The following CPA3 variants were observed in gnomAD, a reference collection of about 807,000 sequenced individuals.
CPA3 encodes carboxypeptidase A3.
A neutral mutation model predicts 55.8 loss-of-function variants in CPA3; 52 were observed. The observed-to-expected ratio is 0.93, with a 90% CI of 0.75 to 1.17. The LOEUF (loss-of-function observed/expected upper bound fraction) is 1.17. Among genes scored for constraint, CPA3 ranks in the 50% most tolerant of loss-of-function variants. CPA3 has a pLI of 0.00. For synonymous variants in CPA3, 179 were observed against 171.2 expected (o/e 1.05, Z -0.36); for missense variants, 547 against 509.1 (o/e 1.07, Z -0.72).
chr3:148,883,506 A>C, intron 8 of CPA3, 107 bp from the exon 9 acceptor site: 1 of 879,812 alleles, frequency 1.1e-6, no homozygotes, highest in Admixed American at 2.2e-5. Context: ...TAAACATGAG[A>C]GGCAAAAACA....
rs145618605 is a variant in CPA3 at position 148,882,994 on chromosome 3, G to A, written c.778+399G>A. On this transcript the variant is annotated intron_variant, in intron 8 of 10. Coordinates refer to ENST00000296046, the MANE Select transcript of CPA3 (RefSeq NM_001870.4). ...AAGAGTCATCTGGAGCAAAGAAAGT[G>A]AAAAAGTTTAACAGAAATACGATGA... Among the ~76,000 whole-genome samples, 694 of 152,260 alleles carry A rather than the reference G, an allele frequency of 4.6e-3. 4 individuals carry two copies. The highest frequency in any genetic ancestry group is 0.016 in the African/African-American group (672 of 41,546).
At chr3:148,895,561 C>A (rs1714804167) in intron 10 of CPA3, among the ~76,000 whole-genome samples, 1 of 152,178 alleles carries the variant, frequency 6.6e-6, no homozygotes, top group African/African-American at 2.4e-5. Context: ...CCAGTGGCAT[C>A]TTCTGCATTT....
Position 148,882,556 on chromosome 3 carries a change from G to T in CPA3, c.739G>T (p.Gly247Cys). Residue 247 changes from glycine to cysteine, a missense_variant, in exon 8 of 11, where the codon GGC (glycine) becomes TGC (cysteine). Gly to Cys is a radical substitution (Grantham distance 159). Transcript: ENST00000296046. ...RSKNQNSKCI[G>C]TDLNRNFNAS... is the part of the protein sequence containing the mutation. ...CAAGAACCAAAACTCCAAATGCATC[G>T]GCACTGACCTCAACAGGAATTTTAA... The T allele has an allele frequency of 6.2e-7, 1 of 1,613,690 alleles. No homozygotes were observed. Among genetic ancestry groups the T allele is most frequent in the Non-Finnish European group, 8.5e-7 (1 of 1,179,718 alleles).
intron 3 of CPA3, among the ~76,000 whole-genome samples, chr3:148,875,269 C>T (rs988728912): frequency 1.3e-5 from 2 of 152,130 alleles, no homozygotes; most frequent in African/African-American, 4.8e-5. Flanking sequence ...ATTTCATTAC[C>T]AAAAGGTGAG....
At chr3:148,870,121 A>AG (rs1375763635) in intron 3 of CPA3, 1 of 150,072 alleles carries the variant, frequency 6.7e-6, no homozygotes, top group Non-Finnish European at 1.5e-5. Context: ...AAAAAAGAAA[A>AG]TGTGTTTTTA....
intron 3 of CPA3, among the ~76,000 whole-genome samples, chr3:148,871,055 T>C (rs1236610584): frequency 6.6e-6 from 1 of 152,152 alleles, no homozygotes; most frequent in Non-Finnish European, 1.5e-5. Flanking sequence ...CCTGCCACCA[T>C]GCCTGGCTTT....
At position 148,896,629 on chromosome 3, in the gene CPA3, C is replaced by A; in HGVS notation, c.1176C>A (p.Ser392=). 1 of 1,591,858 alleles carries A rather than the reference C, an allele frequency of 6.3e-7. No individual in the cohort carries two copies. Among genetic ancestry groups the A allele is most frequent in the Non-Finnish European group, 8.6e-7 (1 of 1,163,186 alleles). Residue 392 remains serine, a synonymous_variant, in exon 11 of 11, where the codon TCC becomes TCA. Transcript: ENST00000296046. ...KGKFGFLLPE[S]RIKPTCRETM... ...AATTTGGTTTTCTCCTTCCAGAATC[C>A]CGGATAAAGCCAACGTGCAGAGAGA...
intron 10 of CPA3, among the ~76,000 whole-genome samples, chr3:148,889,075 T>G (rs1714604091): frequency 6.6e-6 from 1 of 152,246 alleles, no homozygotes; most frequent in Non-Finnish European, 1.5e-5. Context: ...TACATTATAC[T>G]ACAACATTTT....
chr3:148,882,570 C>T lies in CPA3; in HGVS notation c.753C>T (p.Asn251=). The T allele has an allele frequency of 6.2e-7, 1 of 1,613,640 alleles. No homozygotes were observed. The highest frequency in any genetic ancestry group is 8.5e-7 in the Non-Finnish European group (1 of 1,179,686). ...CCAAATGCATCGGCACTGACCTCAA[C>T]AGGAATTTTAATGCTTCATGGAACT... ...QNSKCIGTDL[N]RNFNASWNSI... is the part of the protein sequence containing the mutation. Residue 251 remains asparagine (N), a synonymous_variant, in exon 8 of 11, where the codon AAC becomes AAT. Coordinates refer to ENST00000296046, the MANE Select transcript of CPA3 (RefSeq NM_001870.4).
At chr3:148,892,704 G>A (rs1219995148) in intron 10 of CPA3, among the ~76,000 whole-genome samples, 1 of 151,388 alleles carries the variant, frequency 6.6e-6, no homozygotes, top group African/African-American at 2.4e-5. Flanking sequence ...CTGTCTGGGT[G>A]TGGTGGCACA....
chr3:148,870,571 T>A (rs1714035137), intron 3 of CPA3, among the ~76,000 whole-genome samples: 1 of 152,160 alleles, frequency 6.6e-6, no homozygotes. Flanking sequence ...TGTTACTGTT[T>A]CAAGAAGGTT....
At chr3:148,882,344 T>G (rs931571596) in intron 7 of CPA3, among the ~76,000 whole-genome samples, 161 bp from the exon 8 acceptor site, 1 of 152,200 alleles carries the variant, frequency 6.6e-6, no homozygotes, top group Admixed American at 6.5e-5. Flanking sequence ...TACTACAAAT[T>G]ATAAGAAAAC....
chr3:148,889,970 G>A (rs1714626681), intron 10 of CPA3, among the ~76,000 whole-genome samples: 1 of 151,766 alleles, frequency 6.6e-6, no homozygotes, highest in Non-Finnish European at 1.5e-5. Flanking sequence ...CTGAGGAGGA[G>A]CTCGGCACTC....
At chr3:148,889,624 C>T (rs1452360561) in intron 10 of CPA3, among the ~76,000 whole-genome samples, 1 of 152,016 alleles carries the variant, frequency 6.6e-6, no homozygotes, top group Non-Finnish European at 1.5e-5. Context: ...GTAATCCTAG[C>T]ACTTTGGGAG....
chr3:148,876,441 A>G (rs1034871725), intron 3 of CPA3, among the ~76,000 whole-genome samples: 7 of 151,792 alleles, frequency 4.6e-5, no homozygotes, highest in African/African-American at 1.5e-4. Context: ...CAGTGGCACA[A>G]TCTCAGCTCA....
At chr3:148,869,971 T>C (rs1714017355) in intron 3 of CPA3, 1 of 151,868 alleles carries the variant, frequency 6.6e-6, no homozygotes, top group African/African-American at 2.4e-5. Flanking sequence ...CGTGTGCCTG[T>C]AGTCCCAGCT....
chr3:148,877,918 G>A (rs1576581462), intron 3 of CPA3, among the ~76,000 whole-genome samples: 1 of 152,142 alleles, frequency 6.6e-6, no homozygotes, highest in Non-Finnish European at 1.5e-5. Context: ...GGATGTAGAT[G>A]TGTGTGTGTT....
At chr3:148,894,980 T>C (rs185812319) in intron 10 of CPA3, among the ~76,000 whole-genome samples, 5 of 152,324 alleles carry the variant, frequency 3.3e-5, no homozygotes, top group African/African-American at 1.2e-4. Context: ...GAAACATCAA[T>C]CATTTTTATG....
chr3:148,867,965 G>A (rs527420762), intron 2 of CPA3, among the ~76,000 whole-genome samples: 67 of 152,186 alleles, frequency 4.4e-4, no homozygotes, highest in African/African-American at 1.5e-3. Context: ...GCGAGATCTC[G>A]GCTCACTGCA....
Sources: gnomAD v4.1 joint callset for allele counts (sites outside exome capture counted in the v4.1 genomes callset) on GRCh38, gnomAD v4.1.1 for gene constraint, MANE v1.5 for transcripts, NCBI Gene and HGNC (gene_info 2026-07-23, HGNC 2026-07-21) for gene names.